Variants in MLIP observed in about 807,000 individuals in gnomAD.
The protein encoded by MLIP is muscular LMNA-interacting protein.
In MLIP, 79 loss-of-function variants were observed where a neutral mutation model predicts 84.8. That is an observed-to-expected ratio of 0.93 (90% CI 0.78 to 1.12). The LOEUF (loss-of-function observed/expected upper bound fraction) is 1.12, where lower values mean the gene tolerates loss of function less well. Among genes scored for constraint, MLIP ranks in the 50% most tolerant of loss-of-function variants. The pLI is 0.00. For synonymous variants in MLIP, 504 were observed against 463.0 expected (o/e 1.09, Z -1.14); for missense variants, 1,257 against 1,160.6 (o/e 1.08, Z -1.21).
chr6:54,039,768 A>G (rs1764641366), intron 1 of MLIP, among the ~76,000 whole-genome samples: 1 of 151,968 alleles, frequency 6.6e-6, no homozygotes. Context: ...ATATAAAGCA[A>G]GCATCATCTA....
intron 1 of MLIP, among the ~76,000 whole-genome samples, chr6:54,075,247 C>CA (rs35589839): frequency 0.46 from 43,583 of 93,832 alleles, 10,825 homozygotes; most frequent in Non-Finnish European, 0.58. Context: ...AACTCCGTCT[C>CA]AAAAAAAAAA....
At chr6:54,092,721 A>G (rs186577085) in intron 1 of MLIP, among the ~76,000 whole-genome samples, 1 of 152,244 alleles carries the variant, frequency 6.6e-6, no homozygotes, top group African/African-American at 2.4e-5. Flanking sequence ...TGGTTTATTT[A>G]AATTAAAATG....
chr6:54,113,072 T>C (rs1023283586), intron 1 of MLIP, among the ~76,000 whole-genome samples: 3 of 152,188 alleles, frequency 2.0e-5, no homozygotes, highest in Admixed American at 6.5e-5. Flanking sequence ...TACTTACTGC[T>C]TATAATGGTT....
chr6:54,039,642 C>T (rs1439884896), intron 1 of MLIP, among the ~76,000 whole-genome samples: 1 of 151,870 alleles, frequency 6.6e-6, no homozygotes, highest in African/African-American at 2.4e-5. Flanking sequence ...CTGACCTAAA[C>T]AAGCAAGATA....
chr6:54,242,748 G>A (rs2150841375), intron 12 of MLIP, among the ~76,000 whole-genome samples: 1 of 152,194 alleles, frequency 6.6e-6, no homozygotes, highest in South Asian at 2.1e-4. Flanking sequence ...TAAGAATAAA[G>A]GAACAGCTCT....
At chr6:54,133,961 C>G (rs1458503514) in intron 3 of MLIP, among the ~76,000 whole-genome samples, 1 of 151,904 alleles carries the variant, frequency 6.6e-6, no homozygotes, top group Non-Finnish European at 1.5e-5. Context: ...GTGTTTGAAG[C>G]AAAGGAATCA....
intron 1 of MLIP, among the ~76,000 whole-genome samples, chr6:54,033,556 C>A (rs567524400): frequency 3.3e-5 from 5 of 152,166 alleles, no homozygotes; most frequent in African/African-American, 1.2e-4. Context: ...TGAGCCACCA[C>A]GCCCGGGTGG....
intron 1 of MLIP, among the ~76,000 whole-genome samples, chr6:54,024,098 C>T (rs980951256): frequency 6.6e-6 from 1 of 152,122 alleles, no homozygotes; most frequent in Non-Finnish European, 1.5e-5. Flanking sequence ...CTGCAACCTC[C>T]GCCTCCTGGG....
intron 1 of MLIP, chr6:54,030,487 T>C (rs1337017309): frequency 1.3e-5 from 2 of 152,118 alleles, no homozygotes; most frequent in African/African-American, 4.8e-5. Context: ...TCCTGGTACA[T>C]GCGTGTGTGC....
At chr6:54,032,174 A>G (rs1191392078) in intron 1 of MLIP, among the ~76,000 whole-genome samples, 2 of 152,120 alleles carry the variant, frequency 1.3e-5, no homozygotes, top group Non-Finnish European at 2.9e-5. Flanking sequence ...AGTAAAACTC[A>G]ATGAGAGGTT....
chr6:54,081,703 G>A lies in MLIP; in HGVS notation c.64-39744G>A, dbSNP rs76619094. Among the ~76,000 whole-genome samples the A allele has an allele frequency of 6.5e-4, 99 of 152,162 alleles. No homozygotes were observed. In the East Asian group the frequency reaches 7.1e-3, roughly 11 times the overall value. ...GCTGGGATTACAGACGTGAGGCACC[G>A]CGCCCGGCCAGGGTCCATATGTTTT... On this transcript the variant is annotated intron_variant, in intron 1 of 12. Coordinates refer to the MLIP transcript ENST00000274897.
At chr6:54,264,909 A>G (rs1027053557) in intron 13 of MLIP, among the ~76,000 whole-genome samples, 3 of 152,038 alleles carry the variant, frequency 2.0e-5, no homozygotes, top group Admixed American at 1.3e-4. Flanking sequence ...AGTCTAAAAT[A>G]TACTTTCTCA....
At chr6:54,041,559 C>T (rs1764742654) in intron 1 of MLIP, among the ~76,000 whole-genome samples, 1 of 151,980 alleles carries the variant, frequency 6.6e-6, no homozygotes, top group South Asian at 2.1e-4. Flanking sequence ...TGTGTGAGTT[C>T]CAGTTGGTCT....
At chr6:54,134,463 A>G (rs1224305293) in intron 3 of MLIP, among the ~76,000 whole-genome samples, 2 of 151,652 alleles carry the variant, frequency 1.3e-5, no homozygotes, top group African/African-American at 4.8e-5. Context: ...AAATATAATA[A>G]AAATTATGTG....
chr6:54,160,316 C>A, intron 5 of MLIP, 51 bp from the exon 6 acceptor site: 1 of 1,439,852 alleles, frequency 6.9e-7, no homozygotes, highest in Non-Finnish European at 9.7e-7. Flanking sequence ...CTTTTCTACT[C>A]CAGTTGTATG....
chr6:54,251,408 G>T (rs1782469998), intron 12 of MLIP, among the ~76,000 whole-genome samples: 1 of 129,872 alleles, frequency 7.7e-6, no homozygotes, highest in African/African-American at 3.4e-5. Flanking sequence ...ACTTTATTGG[G>T]CTAGGCATAT....
chr6:54,113,441 G>A (rs1029030136), intron 1 of MLIP, among the ~76,000 whole-genome samples: 7 of 152,140 alleles, frequency 4.6e-5, no homozygotes, highest in African/African-American at 1.7e-4. Context: ...TGATAGATAA[G>A]TGGGCTCCTT....
In MLIP at chr6:54,244,934, A is replaced by C. The variant is rs77436081; in HGVS notation, c.2923-12374A>C. ...TTAGGAATTTGGTAATTGGAAAGAG[A>C]TGTATGGCTGCAGGTAGGCAGGATA... On this transcript the variant is annotated intron_variant, in intron 12 of 13. Coordinates refer to ENST00000502396, the MANE Select transcript of MLIP (RefSeq NM_001281747.2). 8.2e-3 allele frequency among the ~76,000 whole-genome samples: 1,245 copies of C among 152,262 alleles called. 16 individuals carry two copies. The highest frequency in any genetic ancestry group is 0.028 in the African/African-American group (1,166 of 41,556).
chr6:54,223,574 G>A (rs1780368529), intron 11 of MLIP, among the ~76,000 whole-genome samples: 1 of 151,900 alleles, frequency 6.6e-6, no homozygotes, highest in Admixed American at 6.6e-5. Flanking sequence ...TGTTCCACTG[G>A]CTATAGTCTG....
Sources: gnomAD v4.1 joint callset for allele counts (sites outside exome capture counted in the v4.1 genomes callset) on GRCh38, gnomAD v4.1.1 for gene constraint, MANE v1.5 for transcripts, NCBI Gene and HGNC (gene_info 2026-07-23, HGNC 2026-07-21) for gene names.